The following ZNF536 variants were observed in gnomAD, a reference collection of about 807,000 sequenced individuals.
ZNF536 encodes zinc finger protein 536.
Under a neutral mutation model 84.5 loss-of-function variants are expected in ZNF536, and 13 were observed. The ratio of observed to expected loss-of-function variants is 0.15; its 90% CI spans 0.10 to 0.24. The LOEUF (loss-of-function observed/expected upper bound fraction) is 0.24. Ranked by LOEUF, ZNF536 falls within the 10% of genes least tolerant of loss-of-function variation. The pLI is 1.00. For missense variants in ZNF536, 1,536 were observed against 1,747.5 expected (o/e 0.88, Z 2.16); for synonymous variants, 811 against 742.5 (o/e 1.09, Z -1.50).
exon 2 of ZNF536, chr19:30,711,685 A>T (rs2144799573): frequency 6.6e-6 from 1 of 152,330 alleles, no homozygotes; most frequent in African/African-American, 2.4e-5. Flanking sequence ...GTGTCTGCAG[A>T]CAAATGTCCA....
intron 1 of ZNF536, among the ~76,000 whole-genome samples, chr19:30,253,898 G>C (rs865803894): frequency 6.6e-6 from 1 of 152,112 alleles, no homozygotes. Context: ...CAGAAAAGAC[G>C]CTAATCCCAA....
At chr19:30,535,912 C>T (rs146889550) in intron 3 of ZNF536, among the ~76,000 whole-genome samples, 268 of 152,160 alleles carry the variant, frequency 1.8e-3, no homozygotes, top group African/African-American at 6.1e-3. Flanking sequence ...TGAGTGCACG[C>T]GGGCTGCATG....
intron 1 of ZNF536, among the ~76,000 whole-genome samples, chr19:30,230,971 C>CTT (rs58301646): frequency 6.9e-6 from 1 of 145,306 alleles, no homozygotes; most frequent in Non-Finnish European, 1.5e-5. Context: ...TATAGATGAA[C>CTT]TTTTTTTTTT....
chr19:30,321,619 C>T (rs1308760760), intron 2 of ZNF536, among the ~76,000 whole-genome samples: 5 of 150,744 alleles, frequency 3.3e-5, no homozygotes, highest in African/African-American at 1.2e-4. Context: ...ATTTAGAAAA[C>T]AGATGCATGG....
intron 3 of ZNF536, among the ~76,000 whole-genome samples, chr19:30,542,574 G>A (rs903578803): frequency 2.6e-5 from 4 of 152,018 alleles, no homozygotes; most frequent in Admixed American, 6.6e-5. Context: ...TTCATTGTTT[G>A]GGCCCACATC....
At position 30,351,560 on chromosome 19, in the gene ZNF536, A is replaced by G. The variant is rs542530859; in HGVS notation, c.-119-808A>G. Among the ~76,000 whole-genome samples, 6 of 152,354 alleles carry G rather than the reference A, an allele frequency of 3.9e-5. No individual in the cohort carries two copies. The East Asian group carries it at 1.2e-3, about 29-fold the overall frequency. ...CAGTTTGGATCAGTATATTACAAGCAATTTATCATTTTCTCCTTCTTGTTA... is the reference window on the plus strand; with the variant it reads ...CAGTTTGGATCAGTATATTACAAGCGATTTATCATTTTCTCCTTCTTGTTA... On this transcript the variant is annotated intron_variant, in intron 2 of 5. Coordinates refer to the ZNF536 transcript ENST00000585628.
intron 1 of ZNF536, among the ~76,000 whole-genome samples, chr19:30,663,184 C>T (rs73924671): frequency 3.1e-4 from 47 of 152,182 alleles, no homozygotes; most frequent in African/African-American, 1.1e-3. Context: ...CATTCCTGCA[C>T]ATTTCTTAGC....
intron 1 of ZNF536, among the ~76,000 whole-genome samples, chr19:30,682,359 A>G (rs899104546): frequency 3.3e-5 from 5 of 152,132 alleles, no homozygotes; most frequent in Admixed American, 3.3e-4. Flanking sequence ...TACCGTTCGA[A>G]TTGGTTTCTC....
At chr19:30,308,632 C>T (rs1268850438) in intron 2 of ZNF536, among the ~76,000 whole-genome samples, 2 of 152,110 alleles carry the variant, frequency 1.3e-5, no homozygotes. Context: ...TAGACAGCTA[C>T]TAGAGGGAGT....
chr19:30,702,672 G>A (rs887849220), intron 1 of ZNF536, among the ~76,000 whole-genome samples: 7 of 152,244 alleles, frequency 4.6e-5, no homozygotes, highest in African/African-American at 1.4e-4. Flanking sequence ...CCTGTACCTC[G>A]CTGACCTGCT....
At chr19:30,701,172 C>T (rs1202712059) in intron 1 of ZNF536, among the ~76,000 whole-genome samples, 1 of 151,356 alleles carries the variant, frequency 6.6e-6, no homozygotes, top group Non-Finnish European at 1.5e-5. Flanking sequence ...ACATCTGGTG[C>T]ATGTGCTATA....
chr19:30,548,479 G>T lies in ZNF536; in HGVS notation c.2860G>T (p.Gly954Cys), dbSNP rs947814717. The change falls in exon 4 of 5, where the codon GGT becomes TGT. Residue 954 changes from glycine (G) to cysteine (C), a missense_variant. Transcript: ENST00000355537. ...PPSMKVHGVD[G>C]GEEKPSGKSS... ...TTCCATGAAAGTCCACGGAGTGGAT[G>T]GTGGTGAGGAGAAACCCAGTGGCAA... 9 of 1,614,184 alleles carry T rather than the reference G, an allele frequency of 5.6e-6. No homozygotes were observed. The highest frequency in any genetic ancestry group is 6.8e-6 in the Non-Finnish European group (8 of 1,180,040).
At chr19:30,303,669 A>C (rs1415099227) in intron 2 of ZNF536, among the ~76,000 whole-genome samples, 1 of 152,010 alleles carries the variant, frequency 6.6e-6, no homozygotes, top group Non-Finnish European at 1.5e-5. Flanking sequence ...CGCCCGGCTA[A>C]TTTTTATATT....
At chr19:30,693,203 C>T (rs541382016) in intron 1 of ZNF536, among the ~76,000 whole-genome samples, 8 of 152,334 alleles carry the variant, frequency 5.3e-5, no homozygotes, top group African/African-American at 1.4e-4. Context: ...CAAAGGGATA[C>T]ATGAGCTGAC....
chr19:30,579,971 A>G (rs989630755), intron 1 of ZNF536, among the ~76,000 whole-genome samples: 12 of 152,178 alleles, frequency 7.9e-5, no homozygotes, highest in Non-Finnish European at 1.6e-4. Context: ...GAAAGATTGT[A>G]TGGCTTCTTC....
intron 1 of ZNF536, among the ~76,000 whole-genome samples, chr19:30,684,172 T>C (rs2051083086): frequency 6.6e-6 from 1 of 152,166 alleles, no homozygotes; most frequent in South Asian, 2.1e-4. Context: ...TCTCACTCTG[T>C]CACCCAGGCT....
At chr19:30,435,577 A>T (rs2051708392) in intron 1 of ZNF536, among the ~76,000 whole-genome samples, 1 of 151,520 alleles carries the variant, frequency 6.6e-6, no homozygotes, top group South Asian at 2.1e-4. Flanking sequence ...GGTGATGGTG[A>T]TGATGGTGAT....
At chr19:30,354,015 T>G (rs1163907592) in intron 3 of ZNF536, among the ~76,000 whole-genome samples, 1 of 152,080 alleles carries the variant, frequency 6.6e-6, no homozygotes, top group East Asian at 1.9e-4. Context: ...TGCTGAAAGC[T>G]GCCATTTCCC....
intron 1 of ZNF536, among the ~76,000 whole-genome samples, chr19:30,603,806 C>T (rs1316486316): frequency 2.0e-5 from 3 of 152,134 alleles, no homozygotes; most frequent in African/African-American, 7.2e-5. Context: ...AATATGTGCA[C>T]AGGCCAGGCA....
Sources: allele counts gnomAD v4.1 joint callset (sites outside exome capture counted in the v4.1 genomes callset), GRCh38; gene constraint gnomAD v4.1.1; transcripts MANE v1.5; gene names NCBI Gene and HGNC (gene_info 2026-07-23, HGNC 2026-07-21).